ROR2: variants seen among roughly 807,000 people sequenced by gnomAD.
The protein encoded by ROR2 is ROR family WNT receptor 2.
ROR2 carries 33 observed loss-of-function variants against 74.9 expected under a neutral mutation model. That is an observed-to-expected ratio of 0.44 (90% CI 0.33 to 0.59). The LOEUF (loss-of-function observed/expected upper bound fraction) is 0.59. ROR2 is among the 20% of genes least tolerant of loss of function. The probability of loss-of-function intolerance (pLI) is 0.02; values close to 1 mark genes in which losing one functional copy is unlikely to be tolerated. For synonymous variants in ROR2, 586 were observed against 558.7 expected (o/e 1.05, Z -0.69); for missense variants, 1,216 against 1,313.8 (o/e 0.93, Z 1.15).
intron 1 of ROR2, among the ~76,000 whole-genome samples, chr9:91,848,169 G>C (rs75393983): frequency 1.3e-5 from 2 of 152,120 alleles, no homozygotes; most frequent in Non-Finnish European, 2.9e-5. Flanking sequence ...TTCTGATAAC[G>C]TATGCATGCC....
In ROR2 at chr9:91,724,791, C is replaced by T. The variant is rs755191901; in HGVS notation, c.1703G>A (p.Arg568His). The change falls in exon 9 of 9, where the codon CGC becomes CAC. Residue 568 changes from arginine to histidine, a missense_variant. Transcript: ENST00000375708. ...GCTGCCCACGTCCGAGTGCGGCGAG[C>T]GCATGACCAGGAATTCGTGGAGGTC... ...HGDLHEFLVM[R>H]SPHSDVGSTD... The T allele has an allele frequency of 4.8e-5, 77 of 1,610,278 alleles. No homozygotes were observed. In the East Asian group the frequency reaches 5.4e-4, roughly 11 times the overall value.
At chr9:91,842,470 G>A (rs1474925152) in intron 1 of ROR2, among the ~76,000 whole-genome samples, 1 of 152,222 alleles carries the variant, frequency 6.6e-6, no homozygotes, top group Admixed American at 6.5e-5. Context: ...CCCAAATGCT[G>A]GCCCTTGGGG....
chr9:91,858,370 CACAA>C (rs1323842394), intron 1 of ROR2, among the ~76,000 whole-genome samples: 2 of 152,284 alleles, frequency 1.3e-5, no homozygotes, highest in African/African-American at 2.4e-5. Flanking sequence ...CACACGAACG[CACAA>C]ACACACACAC....
chr9:91,907,166 A>G (rs989041845), intron 1 of ROR2, among the ~76,000 whole-genome samples: 1 of 152,212 alleles, frequency 6.6e-6, no homozygotes, highest in South Asian at 2.1e-4. Flanking sequence ...AATTGTCTTA[A>G]GTGATAAACA....
intron 2 of ROR2, among the ~76,000 whole-genome samples, chr9:91,759,332 A>G (rs1048513426): frequency 6.6e-6 from 1 of 152,170 alleles, no homozygotes; most frequent in Non-Finnish European, 1.5e-5. Context: ...TATAATTATT[A>G]TTAACATCAT....
intron 1 of ROR2, among the ~76,000 whole-genome samples, chr9:91,920,871 G>A (rs1013169797): frequency 2.6e-5 from 4 of 152,198 alleles, no homozygotes; most frequent in South Asian, 2.1e-4. Flanking sequence ...ACTCAGGCAC[G>A]GACCAAGGGT....
At chr9:91,937,651 G>C (rs141983567) in intron 1 of ROR2, among the ~76,000 whole-genome samples, 5 of 152,256 alleles carry the variant, frequency 3.3e-5, no homozygotes, top group Admixed American at 6.5e-5. Context: ...TCTTCCCCAG[G>C]AGCTTCAAGA....
At chr9:91,865,297 A>C (rs567445142) in intron 1 of ROR2, among the ~76,000 whole-genome samples, 1 of 152,234 alleles carries the variant, frequency 6.6e-6, no homozygotes, top group East Asian at 1.9e-4. Context: ...CGCCTCTCCT[A>C]CTCTGGGACT....
At chr9:91,773,959 C>T (rs1826327833) in intron 2 of ROR2, among the ~76,000 whole-genome samples, 1 of 152,232 alleles carries the variant, frequency 6.6e-6, no homozygotes, top group South Asian at 2.1e-4. Context: ...CTTGCCTTTC[C>T]CCAGACCTGT....
chr9:91,948,643 A>G, intron 1 of ROR2: 1 of 985,478 alleles, frequency 1.0e-6, no homozygotes, highest in Non-Finnish European at 1.2e-6. Flanking sequence ...GGATACCTGG[A>G]GCGCGCAGCT....
intron 4 of ROR2, among the ~76,000 whole-genome samples, chr9:91,742,782 C>A (rs1210384195): frequency 6.6e-6 from 1 of 152,188 alleles, no homozygotes; most frequent in Non-Finnish European, 1.5e-5. Context: ...CCTGGGCCTT[C>A]ACATTCACTC....
intron 2 of ROR2, among the ~76,000 whole-genome samples, chr9:91,772,771 T>C (rs972971131): frequency 6.6e-6 from 1 of 152,154 alleles, no homozygotes; most frequent in East Asian, 1.9e-4. Flanking sequence ...CATTCACTTG[T>C]GGGTTAACAA....
intron 1 of ROR2, among the ~76,000 whole-genome samples, chr9:91,890,495 C>T (rs1001894108): frequency 1.3e-5 from 2 of 152,176 alleles, no homozygotes; most frequent in African/African-American, 4.8e-5. Context: ...CTTATAGATG[C>T]TGTACTCCTT....
intron 7 of ROR2, among the ~76,000 whole-genome samples, chr9:91,727,600 G>A (rs1040192993): frequency 2.0e-5 from 3 of 152,160 alleles, no homozygotes; most frequent in African/African-American, 4.8e-5. Context: ...AGACAAAGTG[G>A]TGCCGTTTCA....
At chr9:91,755,432 C>A (rs1825717170) in intron 4 of ROR2, among the ~76,000 whole-genome samples, 1 of 152,208 alleles carries the variant, frequency 6.6e-6, no homozygotes, top group South Asian at 2.1e-4. Flanking sequence ...ATCTCAAACA[C>A]CGGCAATGGA....
At position 91,733,536 on chromosome 9, in the gene ROR2, C is replaced by G; in HGVS notation, c.623-100G>C. On this transcript the variant is annotated intron_variant, in intron 5 of 8. Coordinates refer to ENST00000375708, the MANE Select transcript of ROR2 (RefSeq NM_004560.4). The surrounding 1 kb of genome is among the most constrained non-coding windows in gnomAD (Gnocchi z 5.7). ...AGCCTGGCATCCCAGACTGCCCACT[C>G]AGCCCCCTGATGCCCCGCCCCGCCC... is the stretch of plus-strand genomic sequence containing the variant. The G allele has an allele frequency of 7.5e-7, 1 of 1,328,056 alleles. No individual in the cohort carries two copies. Among genetic ancestry groups the G allele is most frequent in the East Asian group, 2.5e-5 (1 of 39,512 alleles). The allele number at this position is 1,328,056 out of a possible 1,614,324, so 82.3% of individuals were successfully genotyped here. A position where few individuals can be genotyped will look rare whatever the true frequency, so the allele number is the denominator to read the frequency against.
rs1167780367 is a variant in ROR2, at chr9:91,744,213, CT to C, written c.495-6696del. On this transcript the variant is annotated intron_variant, in intron 4 of 8. Transcript: ENST00000375708. ...TTGACCCTCCACAGAAATTTGTTAA[CT>C]TTTTTTTTTTTTTTTTTTTTTTTGA... is the stretch of plus-strand genomic sequence containing the variant. Among the ~76,000 whole-genome samples, 283 of 89,046 alleles carry C rather than the reference CT, an allele frequency of 3.2e-3. 1 individual carries two copies. The East Asian group carries it at 0.042, about 13-fold the overall frequency. 58.4% of individuals were successfully genotyped at this position (89,046 alleles called of 152,430 possible).
In ROR2 at chr9:91,723,902, A is replaced by C. The variant is rs577141662; in HGVS notation, c.2592T>G (p.Ser864Arg). 1 of 1,613,930 alleles carries C rather than the reference A, an allele frequency of 6.2e-7. No homozygotes were observed. The highest frequency in any genetic ancestry group is 2.2e-5 in the East Asian group (1 of 44,884). The change falls in exon 9 of 9, where the codon AGT (serine) becomes AGG (arginine). Residue 864 changes from serine (S) to arginine (R), a missense_variant. Ser to Arg is a moderately radical substitution (Grantham distance 110, BLOSUM62 -1). Coordinates refer to ENST00000375708, the MANE Select transcript of ROR2 (RefSeq NM_004560.4). ...QMVPKPSSHH[S>R]GSGSTSTGYV... ...AGCCTGTGCTGGTGGAGCCACTGCC[A>C]CTGTGGTGTGAGCTGGGCTTGGGGA...
chr9:91,934,375 C>T (rs1037344835), intron 1 of ROR2, among the ~76,000 whole-genome samples: 5 of 152,136 alleles, frequency 3.3e-5, no homozygotes, highest in African/African-American at 1.2e-4. Flanking sequence ...ACAGAAAATA[C>T]GTAGCATTGT....
Sources: allele counts gnomAD v4.1 joint callset (sites outside exome capture counted in the v4.1 genomes callset), GRCh38; gene constraint gnomAD v4.1.1; non-coding constraint Gnocchi (gnomAD v3.1); transcripts MANE v1.5; gene names NCBI Gene and HGNC (gene_info 2026-07-23, HGNC 2026-07-21).